The following DNAAF11 variants were observed in gnomAD, a reference collection of about 807,000 sequenced individuals.
DNAAF11 encodes the protein leucine rich repeat containing 6.
Under a neutral mutation model 60.8 loss-of-function variants are expected in DNAAF11, and 45 were observed. The observed-to-expected ratio is 0.74, with a 90% CI of 0.58 to 0.95. The LOEUF is 0.95. Ranked by LOEUF, DNAAF11 falls within the 40% of genes least tolerant of loss-of-function variation. The pLI, the probability that DNAAF11 is intolerant of heterozygous loss-of-function variation, is 0.00. For missense variants in DNAAF11, 546 were observed against 546.2 expected, an observed-to-expected ratio of 1.00 and a Z score of 0.00; for synonymous variants, 191 against 183.5, an observed-to-expected ratio of 1.04 and a Z score of -0.33.
intron 3 of DNAAF11, among the ~76,000 whole-genome samples, chr8:132,648,358 C>A (rs1822620594): frequency 6.6e-6 from 1 of 152,120 alleles, no homozygotes; most frequent in Admixed American, 6.5e-5. Context: ...TGAGACGTAT[C>A]TCAAAATATT....
intron 7 of DNAAF11, among the ~76,000 whole-genome samples, chr8:132,621,880 G>A (rs1819799917): frequency 6.6e-6 from 1 of 152,170 alleles, no homozygotes; most frequent in Admixed American, 6.5e-5. Flanking sequence ...TTTACCACCT[G>A]TGACTGCTGT....
Position 132,668,690 on chromosome 8 carries a change from C to T in DNAAF11, c.10+6794G>A, listed in dbSNP as rs143469061. 5.4e-3 allele frequency among the ~76,000 whole-genome samples: 824 copies of T among 152,212 alleles called. 8 individuals carry two copies. Among genetic ancestry groups the T allele is most frequent in the African/African-American group, 0.018 (757 of 41,518 alleles). On this transcript the variant is annotated intron_variant, in intron 1 of 11. Coordinates refer to ENST00000620350, the MANE Select transcript of DNAAF11 (RefSeq NM_012472.6). ...ATCTCTTGACCTCATGTTCCACCCC[C>T]CTCAGCCTCCCAAAGGGCTGGAATT...
chr8:132,682,648 A>G, the DNAAF11 span, among the ~76,000 whole-genome samples: 1 of 152,246 alleles, frequency 6.6e-6, no homozygotes, highest in Non-Finnish European at 1.5e-5. Context: ...TTCCAGTAGA[A>G]GGTGACACTT....
intron 5 of DNAAF11, among the ~76,000 whole-genome samples, chr8:132,627,823 G>A (rs1820425436): frequency 6.6e-6 from 1 of 152,062 alleles, no homozygotes; most frequent in East Asian, 1.9e-4. Flanking sequence ...ATGCTTATAT[G>A]ACCACTCCTA....
chr8:132,622,801 G>T, intron 6 of DNAAF11, 113 bp from the exon 7 acceptor site: 2 of 735,320 alleles, frequency 2.7e-6, no homozygotes, highest in South Asian at 1.7e-5. Context: ...AAAATTAATT[G>T]GACTTTTACG....
rs528983114 is a variant in DNAAF11 at position 132,584,660 on chromosome 8, T to C, written c.1141-881A>G. Among the ~76,000 whole-genome samples, 7 of 152,230 alleles carry C rather than the reference T, an allele frequency of 4.6e-5. No individual in the cohort carries two copies. The South Asian group carries it at 1.0e-3, about 23-fold the overall frequency. ...TGGAGTGAGTGTCCATTCCCCTCTC[T>C]ACCCTCACCAGGTCCTTCTCTATGG... On this transcript the variant is annotated intron_variant, in intron 10 of 11. Coordinates refer to ENST00000620350, the MANE Select transcript of DNAAF11 (RefSeq NM_012472.6).
At chr8:132,573,463 TTGTC>T (rs893804948) in intron 11 of DNAAF11, among the ~76,000 whole-genome samples, 1 of 152,244 alleles carries the variant, frequency 6.6e-6, no homozygotes, top group Non-Finnish European at 1.5e-5. Flanking sequence ...GTTTCATTCT[TTGTC>T]TGTTTTCATA....
intron 7 of DNAAF11, among the ~76,000 whole-genome samples, chr8:132,620,538 T>G (rs1819651769): frequency 1.3e-5 from 2 of 152,176 alleles, no homozygotes; most frequent in African/African-American, 4.8e-5. Context: ...TTTCACCACG[T>G]TGGCCAGGCT....
At chr8:132,675,750 C>G, upstream of DNAAF11, 1 of 410,458 alleles carries the variant, frequency 2.4e-6, no homozygotes, top group Non-Finnish European at 4.3e-6. Context: ...CGTCGCACTT[C>G]CGACTTGCCA....
chr8:132,638,292 T>C (rs1179491064), intron 3 of DNAAF11, among the ~76,000 whole-genome samples, 185 bp from the exon 4 acceptor site: 1 of 152,222 alleles, frequency 6.6e-6, no homozygotes, highest in Non-Finnish European at 1.5e-5. Context: ...TAACTCATTT[T>C]TCTATCTCTG....
chr8:132,581,243 G>C (rs1046032375), intron 11 of DNAAF11, among the ~76,000 whole-genome samples: 1 of 152,140 alleles, frequency 6.6e-6, no homozygotes, highest in Non-Finnish European at 1.5e-5. Context: ...GGGCAGGATG[G>C]AATTTCTAGA....
rs186077443 is a variant in DNAAF11, at chr8:132,577,621, A to G, written c.1227-5141T>C. 1.6e-3 allele frequency among the ~76,000 whole-genome samples: 240 copies of G among 152,356 alleles called. 1 individual carries two copies. The highest frequency in any genetic ancestry group is 5.4e-3 in the African/African-American group (226 of 41,584). On this transcript the variant is annotated intron_variant, in intron 11 of 11. Transcript: ENST00000620350. ...TCAGTTGTACAAATAATTAATAATG[A>G]TGTTAATAACAATAGCCACTGACAT...
At chr8:132,589,109 T>C (rs1816205074) in intron 10 of DNAAF11, among the ~76,000 whole-genome samples, 1 of 152,166 alleles carries the variant, frequency 6.6e-6, no homozygotes, top group South Asian at 2.1e-4. Flanking sequence ...ATGTGCTTAA[T>C]GGCCATTAGA....
the DNAAF11 span, among the ~76,000 whole-genome samples, chr8:132,687,909 G>C: frequency 6.6e-6 from 1 of 152,154 alleles, no homozygotes; most frequent in African/African-American, 2.4e-5. Context: ...ATTTAAGCTA[G>C]ATACAAATCA....
the DNAAF11 span, among the ~76,000 whole-genome samples, chr8:132,702,614 C>T: frequency 6.6e-6 from 1 of 152,292 alleles, no homozygotes; most frequent in East Asian, 1.9e-4. Context: ...GCAGCTCCCA[C>T]TTCAGAAAAG....
At chr8:132,633,677 T>A (rs1210674785) in intron 4 of DNAAF11, among the ~76,000 whole-genome samples, 2 of 152,050 alleles carry the variant, frequency 1.3e-5, no homozygotes, top group African/African-American at 4.8e-5. Context: ...ACAGGTGTGA[T>A]TAGGTTAAGG....
chr8:132,654,267 A>G (rs2130753615), intron 3 of DNAAF11, among the ~76,000 whole-genome samples: 1 of 152,222 alleles, frequency 6.6e-6, no homozygotes, highest in Admixed American at 6.5e-5. Context: ...AGAGTCCCAA[A>G]ATATCTAAAG....
chr8:132,700,239 C>T, the DNAAF11 span, among the ~76,000 whole-genome samples: 1 of 152,090 alleles, frequency 6.6e-6, no homozygotes, highest in African/African-American at 2.4e-5. Flanking sequence ...TTGGGAAAGG[C>T]AGTGAGGTTC....
the DNAAF11 span, among the ~76,000 whole-genome samples, chr8:132,696,762 CATT>C: frequency 6.6e-6 from 1 of 152,066 alleles, no homozygotes; most frequent in Non-Finnish European, 1.5e-5. Flanking sequence ...AGCTGGAGGC[CATT>C]ATTCTTAGCA....
Sources: allele counts gnomAD v4.1 joint callset (sites outside exome capture counted in the v4.1 genomes callset), GRCh38; gene constraint gnomAD v4.1.1; transcripts MANE v1.5; gene names NCBI Gene and HGNC (gene_info 2026-07-23, HGNC 2026-07-21).